APTX: variants seen among roughly 807,000 people sequenced by gnomAD.
APTX encodes forkhead-associated domain histidine triad-like protein.
Under a neutral mutation model 42.3 loss-of-function variants are expected in APTX, and 33 were observed. The ratio of observed to expected loss-of-function variants is 0.78; its 90% CI spans 0.59 to 1.04. The LOEUF (loss-of-function observed/expected upper bound fraction) is 1.04. APTX is among the 50% of genes least tolerant of loss of function. APTX has a pLI of 0.00. For synonymous variants in APTX, 130 were observed against 146.7 expected (o/e 0.89, Z 0.82); for missense variants, 421 against 415.1 (o/e 1.01, Z -0.12).
At chr9:33,000,845 C>CTTTTT (rs74178838) in intron 1 of APTX, among the ~76,000 whole-genome samples, 9 of 98,828 alleles carry the variant, frequency 9.1e-5, no homozygotes, top group East Asian at 3.0e-4. Flanking sequence ...TTTTTTTTTT[C>CTTTTT]TTTTTTTTTT....
At chr9:33,024,055 A>G (rs566131072) in intron 1 of APTX, among the ~76,000 whole-genome samples, 3 of 152,322 alleles carry the variant, frequency 2.0e-5, no homozygotes, top group African/African-American at 7.2e-5. Flanking sequence ...TCTCTGATCT[A>G]TCAGGTTAAT....
intron 1 of APTX, among the ~76,000 whole-genome samples, chr9:33,020,787 G>A (rs1486057778): frequency 6.6e-6 from 1 of 152,168 alleles, no homozygotes; most frequent in Admixed American, 6.5e-5. Context: ...CTCCTGCCAG[G>A]CCTCCAGCCA....
chr9:32,975,931 T>C (rs1361419144), intron 6 of APTX, among the ~76,000 whole-genome samples: 1 of 152,276 alleles, frequency 6.6e-6, no homozygotes, highest in East Asian at 1.9e-4. Flanking sequence ...GGGTATCTGA[T>C]AGAATGCAGA....
chr9:33,018,836 G>A (rs543764480), intron 1 of APTX, among the ~76,000 whole-genome samples: 36 of 152,280 alleles, frequency 2.4e-4, no homozygotes, highest in African/African-American at 8.7e-4. Context: ...CCAACATCAC[G>A]CCATTGCGCT....
chr9:32,984,388 C>T (rs1285688581), intron 6 of APTX, among the ~76,000 whole-genome samples: 1 of 152,038 alleles, frequency 6.6e-6, no homozygotes, highest in East Asian at 1.9e-4. Flanking sequence ...ATTAGGCTCT[C>T]GAAGATTTAT....
chr9:32,986,032 T>TAAAAAAAAAAAAAAAAAAAA lies in APTX; in HGVS notation c.484-3_484-2insTTTTTTTTTTTTTTTTTTTT, dbSNP rs373304582. The TAAAAAAAAAAAAAAAAAAAA allele has an allele frequency of 1.1e-5, 8 of 733,288 alleles. No individual in the cohort carries two copies. The African/African-American group carries it at 1.9e-4, about 18-fold the overall frequency. 45.4% of individuals were successfully genotyped at this position (733,288 alleles called of 1,614,324 possible). On this transcript the variant is annotated splice_polypyrimidine_tract_variant and splice_region_variant and intron_variant, in intron 4 of 7. Transcript: ENST00000379817. ...TTGACTCCAGTGGCCCAGGGATTCC[T>TAAAAAAAAAAAAAAAAAAAA]AAAAAAAAAACAAAAAAAAAAACAA... is the stretch of plus-strand genomic sequence containing the variant.
At chr9:33,013,602 C>G (rs544096366) in intron 1 of APTX, among the ~76,000 whole-genome samples, 2 of 152,174 alleles carry the variant, frequency 1.3e-5, no homozygotes, top group African/African-American at 2.4e-5. Context: ...GTCAGGAGAT[C>G]GAGACCATCC....
rs747093204 is a variant in APTX at position 33,001,611 on chromosome 9, C to T, written c.-49G>A. ...ACAAATTCACGTTACTCATCTGTGC[C>T]TCACCGCTTCCGGCGCTGCGGGATG... On this transcript the variant is annotated 5_prime_UTR_variant, in exon 1 of 8. Transcript: ENST00000379817. The T allele has an allele frequency of 1.2e-6, 2 of 1,613,806 alleles. No individual in the cohort carries two copies. The highest frequency in any genetic ancestry group is 2.7e-5 in the African/African-American group (2 of 74,946).
chr9:32,973,324 C>A lies in APTX; in HGVS notation c.*174G>T, dbSNP rs766841162. 25 of 789,400 alleles carry A rather than the reference C, an allele frequency of 3.2e-5. No homozygotes were observed. The African/African-American group carries it at 3.9e-4, about 12-fold the overall frequency. The allele number at this position is 789,400 out of a possible 1,614,324, so 48.9% of individuals were successfully genotyped here. Reference sequence around the variant, plus strand: ...TCTATGACAAACCCAAATTCCTAATCCTGAAGTACTTTGAGCCACTCTACA... The same window carrying A: ...TCTATGACAAACCCAAATTCCTAATACTGAAGTACTTTGAGCCACTCTACA... On this transcript the variant is annotated 3_prime_UTR_variant, in exon 8 of 8. Transcript: ENST00000379817.
chr9:33,001,572 G>A lies in APTX; in HGVS notation c.-10C>T, dbSNP rs1023549789. On this transcript the variant is annotated 5_prime_UTR_variant, in exon 1 of 8. Transcript: ENST00000379817. ...TAGGCTGACGACCGCCTTACCTCCA[G>A]AAGTCGGAGACGGACAAATTCACGT... The A allele has an allele frequency of 2.5e-6, 4 of 1,613,952 alleles. No individual in the cohort carries two copies. The highest frequency in any genetic ancestry group is 1.7e-5 in the Admixed American group (1 of 60,024).
intron 3 of APTX, 45 bp from the exon 4 acceptor site, chr9:32,987,891 C>A: frequency 6.2e-7 from 1 of 1,603,358 alleles, no homozygotes; most frequent in Non-Finnish European, 8.5e-7. Flanking sequence ...ATAGCAACAG[C>A]ACCTACAGTA....
At chr9:33,015,525 A>T (rs1420076081) in intron 1 of APTX, among the ~76,000 whole-genome samples, 1 of 151,878 alleles carries the variant, frequency 6.6e-6, no homozygotes, top group Non-Finnish European at 1.5e-5. Flanking sequence ...TGCCCTGCTA[A>T]TTTTTGTATT....
At chr9:33,004,630 C>CTTTTTTTTTTTTTTTTTTTTTTTT (rs3065216), upstream of APTX, among the ~76,000 whole-genome samples, 2 of 125,712 alleles carry the variant, frequency 1.6e-5, no homozygotes, top group African/African-American at 3.0e-5. Flanking sequence ...CTTGCCAACC[C>CTTTTTTTTTTTTTTTTTTTTTTTT]TTTTTTTTTT....
intron 5 of APTX, 72 bp from the exon 6 acceptor site, chr9:32,984,929 A>T: frequency 1.5e-6 from 2 of 1,360,388 alleles, no homozygotes; most frequent in Non-Finnish European, 2.1e-6. Flanking sequence ...TGTTATATTC[A>T]CTAAGTCACT....
intron 1 of APTX, among the ~76,000 whole-genome samples, chr9:33,017,509 A>G (rs1238144631): frequency 2.0e-5 from 3 of 152,004 alleles, no homozygotes; most frequent in South Asian, 4.2e-4. Context: ...CCCATGACGT[A>G]GTCACTTCCC....
At chr9:33,001,671 T>C (rs547196826), upstream of APTX, 16 of 1,593,734 alleles carry the variant, frequency 1.0e-5, no homozygotes, top group East Asian at 6.7e-5. Flanking sequence ...ACCAGTGACG[T>C]CACCAGCACC....
At chr9:33,024,559 G>A (rs114003183) in intron 1 of APTX, among the ~76,000 whole-genome samples, 97 of 152,256 alleles carry the variant, frequency 6.4e-4, no homozygotes, top group African/African-American at 2.3e-3. Flanking sequence ...CTGACCAGAG[G>A]AGTCCACGGC....
intron 1 of APTX, among the ~76,000 whole-genome samples, chr9:33,007,271 C>A (rs1157796654): frequency 6.6e-6 from 1 of 152,090 alleles, no homozygotes; most frequent in Non-Finnish European, 1.5e-5. Flanking sequence ...GAGGCCTGAG[C>A]AAGGACAATA....
At chr9:32,973,780 G>A (rs1364717402) in intron 7 of APTX, 128 bp from the exon 8 acceptor site, 6 of 1,251,534 alleles carry the variant, frequency 4.8e-6, no homozygotes, top group East Asian at 4.6e-5. Context: ...CTACAGCTCC[G>A]TAAGCTTAGT....
Sources: allele counts gnomAD v4.1 joint callset (sites outside exome capture counted in the v4.1 genomes callset), GRCh38; gene constraint gnomAD v4.1.1; transcripts MANE v1.5; gene names NCBI Gene and HGNC (gene_info 2026-07-23, HGNC 2026-07-21).